The following HMBOX1 variants were observed in gnomAD, a reference collection of about 807,000 sequenced individuals.
HMBOX1 encodes the protein homeobox containing 1.
Under a neutral mutation model 54.5 loss-of-function variants are expected in HMBOX1, and 14 were observed. That is an observed-to-expected ratio of 0.26 (90% CI 0.17 to 0.40). The LOEUF is 0.40. Ranked by LOEUF, HMBOX1 falls within the 10% of genes least tolerant of loss-of-function variation. The pLI, the probability that HMBOX1 is intolerant of heterozygous loss-of-function variation, is 1.00. For synonymous variants in HMBOX1, 160 were observed against 181.0 expected (o/e 0.88, Z 0.93); for missense variants, 332 against 514.4 (o/e 0.65, Z 3.43).
chr8:28,979,381 C>T (rs1344215668), intron 3 of HMBOX1, among the ~76,000 whole-genome samples: 1 of 152,088 alleles, frequency 6.6e-6, no homozygotes, highest in Non-Finnish European at 1.5e-5. Context: ...AAAATGAGGT[C>T]TATAATGTAT....
chr8:28,936,058 A>G (rs1820352655), intron 1 of HMBOX1, among the ~76,000 whole-genome samples: 1 of 152,134 alleles, frequency 6.6e-6, no homozygotes, highest in Non-Finnish European at 1.5e-5. Context: ...CATCATCACC[A>G]TTGTTATTAT....
At chr8:28,977,145 G>C (rs1199027066) in intron 3 of HMBOX1, among the ~76,000 whole-genome samples, 1 of 152,134 alleles carries the variant, frequency 6.6e-6, no homozygotes, top group Non-Finnish European at 1.5e-5. Context: ...GCAAGGCTGT[G>C]AATAATTTAC....
At chr8:29,050,947 C>T (rs1806356262) in intron 9 of HMBOX1, 71 bp from the exon 10 acceptor site, 1 of 1,511,312 alleles carries the variant, frequency 6.6e-7, no homozygotes, top group Non-Finnish European at 9.0e-7. Context: ...TCCCCTTGCC[C>T]CAGCATGTCT....
rs556099727 is a variant in HMBOX1, at chr8:29,013,245, C to T, written c.697+4063C>T. Among the ~76,000 whole-genome samples the T allele has an allele frequency of 5.9e-5, 9 of 152,270 alleles. No homozygotes were observed. The East Asian group carries it at 1.5e-3, about 26-fold the overall frequency. ...CTGCCTTTCGGGTTCAAGCAATTCT[C>T]CTGCCTCAGCCTCAGGAGTAGCTGG... is the stretch of plus-strand genomic sequence containing the variant. On this transcript the variant is annotated intron_variant, in intron 5 of 9. Coordinates refer to ENST00000287701, the MANE Select transcript of HMBOX1 (RefSeq NM_001135726.3).
At chr8:29,023,611 A>G (rs1258373276) in intron 6 of HMBOX1, among the ~76,000 whole-genome samples, 2 of 152,098 alleles carry the variant, frequency 1.3e-5, no homozygotes, top group African/African-American at 4.8e-5. Flanking sequence ...CATGTTGCCT[A>G]GGCTGGTATT....
chr8:29,025,258 G>C (rs928143957), intron 6 of HMBOX1, among the ~76,000 whole-genome samples: 1 of 152,172 alleles, frequency 6.6e-6, no homozygotes, highest in African/African-American at 2.4e-5. Context: ...GTGATAGTCA[G>C]AGAGCCTCTG....
At chr8:28,979,413 T>C (rs1336550992) in intron 3 of HMBOX1, among the ~76,000 whole-genome samples, 4 of 152,232 alleles carry the variant, frequency 2.6e-5, no homozygotes, top group Non-Finnish European at 4.4e-5. Flanking sequence ...CAGAATATTA[T>C]GTAGTTTTAA....
chr8:28,946,198 C>T (rs1251221720), intron 1 of HMBOX1, among the ~76,000 whole-genome samples: 2 of 151,896 alleles, frequency 1.3e-5, no homozygotes, highest in African/African-American at 4.8e-5. Flanking sequence ...GGTGATCCAC[C>T]CGCCTCGGCT....
chr8:28,937,129 CTGGGA>C (rs1820548802), intron 1 of HMBOX1, among the ~76,000 whole-genome samples: 1 of 152,122 alleles, frequency 6.6e-6, no homozygotes, highest in African/African-American at 2.4e-5. Context: ...GTTGGCATAG[CTGGGA>C]TGGAAAAAGA....
rs553547100 is a variant in HMBOX1, at chr8:28,908,128, C to T, written c.-58+17450C>T. ...TCAGCCTCCCAAAGTGGTGGGATTA[C>T]AGGCATAAGCCACTGTGCCCAGCCT... On this transcript the variant is annotated intron_variant, in intron 1 of 9. Transcript: ENST00000287701. Among the ~76,000 whole-genome samples the T allele has an allele frequency of 5.7e-4, 87 of 152,292 alleles. 1 individual carries two copies. In the South Asian group the frequency reaches 0.017, roughly 30 times the overall value.
chr8:29,035,242 C>A (rs749062838), intron 6 of HMBOX1, among the ~76,000 whole-genome samples: 102 of 152,130 alleles, frequency 6.7e-4, no homozygotes, highest in African/African-American at 2.4e-3. Flanking sequence ...ATAAGAAAAA[C>A]CATGCAAAAA....
At chr8:29,023,843 G>A (rs1307823030) in intron 6 of HMBOX1, among the ~76,000 whole-genome samples, 1 of 152,124 alleles carries the variant, frequency 6.6e-6, no homozygotes, top group Non-Finnish European at 1.5e-5. Flanking sequence ...GATCACCCGA[G>A]GAGCTTTTAA....
At position 28,921,072 on chromosome 8, in the gene HMBOX1, C is replaced by T. The variant is rs942264890; in HGVS notation, c.-58+30394C>T. On this transcript the variant is annotated intron_variant, in intron 1 of 9. Transcript: ENST00000287701. The stretch of plus-strand genomic sequence containing the variant: ...AAACCTGGCTAGGCACAGTGGCTCA[C>T]GCCTGTAATCCCAGCACTTTGGGAG... Among the ~76,000 whole-genome samples, 3 of 152,214 alleles carry T rather than the reference C, an allele frequency of 2.0e-5. 1 individual carries two copies. Among genetic ancestry groups the T allele is most frequent in the African/African-American group, 4.8e-5 (2 of 41,448 alleles).
intron 8 of HMBOX1, 121 bp downstream of exon 8, chr8:29,047,574 T>C (rs2133377510): frequency 1.8e-6 from 1 of 570,766 alleles, no homozygotes; most frequent in East Asian, 3.1e-5. Context: ...CTTTTTTTTT[T>C]TTTTTTTTTT....
intron 3 of HMBOX1, among the ~76,000 whole-genome samples, chr8:28,979,566 C>T (rs1486231909): frequency 6.6e-6 from 1 of 152,126 alleles, no homozygotes; most frequent in African/African-American, 2.4e-5. Flanking sequence ...AACATTTTTA[C>T]GGTTGTGAGA....
chr8:28,983,920 C>CT (rs1202233105), intron 4 of HMBOX1, among the ~76,000 whole-genome samples: 5 of 152,102 alleles, frequency 3.3e-5, no homozygotes, highest in Non-Finnish European at 7.3e-5. Context: ...TACTGAACTC[C>CT]TATGTTTTTT....
chr8:28,893,392 G>A (rs948459030), intron 1 of HMBOX1, among the ~76,000 whole-genome samples: 1 of 152,170 alleles, frequency 6.6e-6, no homozygotes, highest in East Asian at 1.9e-4. Context: ...TTATTTTAAT[G>A]TGATTGCTTC....
At chr8:28,896,032 T>A (rs976064591) in intron 1 of HMBOX1, among the ~76,000 whole-genome samples, 8 of 152,184 alleles carry the variant, frequency 5.3e-5, no homozygotes, top group African/African-American at 1.4e-4. Context: ...AAATCAAAAA[T>A]TGAGAGTCAT....
chr8:28,895,580 C>T (rs1485181156), intron 1 of HMBOX1, among the ~76,000 whole-genome samples: 1 of 151,810 alleles, frequency 6.6e-6, no homozygotes, highest in African/African-American at 2.4e-5. Flanking sequence ...GAGGCTGAGG[C>T]AGGAGAATCG....
Sources: allele counts gnomAD v4.1 joint callset (sites outside exome capture counted in the v4.1 genomes callset), GRCh38; gene constraint gnomAD v4.1.1; transcripts MANE v1.5; gene names NCBI Gene and HGNC (gene_info 2026-07-23, HGNC 2026-07-21).